KIF26B: variants seen among roughly 807,000 people sequenced by gnomAD.
The protein encoded by KIF26B is kinesin-like protein KIF26B.
A neutral mutation model predicts 151.2 loss-of-function variants in KIF26B; 63 were observed. That is an observed-to-expected ratio of 0.42 (90% CI 0.34 to 0.51). The LOEUF is 0.51. Ranked by LOEUF, KIF26B falls within the 20% of genes least tolerant of loss-of-function variation. The pLI is 0.07. For missense variants in KIF26B, 2,813 were observed against 2,913.6 expected (o/e 0.97, Z 0.79); for synonymous variants, 1,357 against 1,262.1 (o/e 1.08, Z -1.59).
intron 2 of KIF26B, among the ~76,000 whole-genome samples, chr1:245,257,321 A>G (rs2175241): frequency 0.6 from 90,620 of 152,098 alleles, 28,638 homozygotes; most frequent in African/African-American, 0.81. Context: ...TTGGGCACGC[A>G]TTCTCAGGAT....
At chr1:245,420,741 G>A (rs1658465986) in intron 4 of KIF26B, among the ~76,000 whole-genome samples, 1 of 152,236 alleles carries the variant, frequency 6.6e-6, no homozygotes. Context: ...ATAAGATGAT[G>A]AGAAATTATA....
chr1:245,651,165 G>A (rs1252809628), intron 10 of KIF26B, among the ~76,000 whole-genome samples: 3 of 152,204 alleles, frequency 2.0e-5, no homozygotes, highest in Non-Finnish European at 4.4e-5. Context: ...TTCCTCCTAA[G>A]GCCCTAGTGA....
At position 245,433,995 on chromosome 1, in the gene KIF26B, T is replaced by A. The variant is rs538267205; in HGVS notation, c.1166+14250T>A. Among the ~76,000 whole-genome samples the A allele has an allele frequency of 1.1e-3, 169 of 152,150 alleles. 1 individual carries two copies. The highest frequency in any genetic ancestry group is 3.0e-3 in the African/African-American group (124 of 41,522). On this transcript the variant is annotated intron_variant, in intron 4 of 14. Transcript: ENST00000407071. ...AGGCAAGCCACTTTGATTTTTTTTTTAAAAAATGAACAAATATAAACCATT... is the reference window on the plus strand; with the variant it reads ...AGGCAAGCCACTTTGATTTTTTTTTAAAAAAATGAACAAATATAAACCATT...
At chr1:245,546,766 G>A (rs1009079402) in intron 5 of KIF26B, among the ~76,000 whole-genome samples, 1 of 152,170 alleles carries the variant, frequency 6.6e-6, no homozygotes, top group Non-Finnish European at 1.5e-5. Context: ...GGCGGGAACG[G>A]CATAAATAAT....
At chr1:245,163,535 G>T (rs1668565755) in intron 2 of KIF26B, among the ~76,000 whole-genome samples, 1 of 152,070 alleles carries the variant, frequency 6.6e-6, no homozygotes, top group Admixed American at 6.6e-5. Context: ...TTTTCTAGGA[G>T]TTTCCTTGCC....
intron 2 of KIF26B, among the ~76,000 whole-genome samples, chr1:245,242,842 G>A (rs1431380468): frequency 6.6e-6 from 1 of 152,092 alleles, no homozygotes; most frequent in African/African-American, 2.4e-5. Flanking sequence ...AGCAGAGACG[G>A]GGTTTCACCA....
At chr1:245,392,999 C>T (rs144840654) in intron 3 of KIF26B, among the ~76,000 whole-genome samples, 45 of 151,962 alleles carry the variant, frequency 3.0e-4, no homozygotes, top group South Asian at 2.1e-4. Flanking sequence ...AGTGAAACCC[C>T]GCCTCTACTA....
intron 10 of KIF26B, among the ~76,000 whole-genome samples, chr1:245,668,970 G>A (rs552486524): frequency 6.6e-6 from 1 of 152,274 alleles, no homozygotes; most frequent in Non-Finnish European, 1.5e-5. Context: ...GGGATTACAG[G>A]CATGAGCCAC....
intron 4 of KIF26B, among the ~76,000 whole-genome samples, chr1:245,496,147 T>C (rs779238517): frequency 1.3e-5 from 2 of 152,144 alleles, no homozygotes; most frequent in Non-Finnish European, 2.9e-5. Context: ...CAACATGTGG[T>C]TAAGTTCAAA....
At chr1:245,531,465 G>T (rs1230598901) in intron 4 of KIF26B, among the ~76,000 whole-genome samples, 1 of 151,960 alleles carries the variant, frequency 6.6e-6, no homozygotes, top group East Asian at 1.9e-4. Context: ...TTCTCTGCTG[G>T]CCTCCCAGGG....
chr1:245,482,469 C>T (rs1381474591), intron 4 of KIF26B, among the ~76,000 whole-genome samples: 2 of 151,746 alleles, frequency 1.3e-5, no homozygotes, highest in African/African-American at 4.8e-5. Flanking sequence ...TTCAGAAATG[C>T]ATGTTGTTTT....
intron 2 of KIF26B, among the ~76,000 whole-genome samples, chr1:245,348,282 C>T (rs1672496835): frequency 6.6e-6 from 1 of 152,192 alleles, no homozygotes; most frequent in African/African-American, 2.4e-5. Context: ...AGGCCCGTAA[C>T]TTCCAATGCT....
rs796521551 is a variant in KIF26B, at chr1:245,457,847, TACA to T, written c.1166+38105_1166+38107del. 2.6e-5 allele frequency among the ~76,000 whole-genome samples: 4 copies of T among 152,244 alleles called. No individual in the cohort carries two copies. In the South Asian group the frequency reaches 8.3e-4, roughly 32 times the overall value. On this transcript the variant is annotated intron_variant, in intron 4 of 14. Transcript: ENST00000407071. ...AGTATTTTGCTCTTGCAAATGTTGC[TACA>T]ACGAGCATTGTTGATCATGCTCCCT...
At chr1:245,427,780 C>T (rs1170755530) in intron 4 of KIF26B, among the ~76,000 whole-genome samples, 2 of 152,108 alleles carry the variant, frequency 1.3e-5, no homozygotes, top group African/African-American at 4.8e-5. Flanking sequence ...CTGTTCTTTT[C>T]TCCTTGCCCC....
rs570665613 is a variant in KIF26B, at chr1:245,414,078, G to T, written c.1000-5501G>T. ...AGCTCTGTCTTGTGGCTGCCCACCT[G>T]GCCTGGGGGCCAGAGATGGGGCTGG... is the stretch of plus-strand genomic sequence containing the variant. On this transcript the variant is annotated intron_variant, in intron 3 of 14. Coordinates refer to ENST00000407071, the MANE Select transcript of KIF26B (RefSeq NM_018012.4). 3.3e-5 allele frequency among the ~76,000 whole-genome samples: 5 copies of T among 152,374 alleles called. No homozygotes were observed. The East Asian group carries it at 9.7e-4, about 29-fold the overall frequency.
intron 4 of KIF26B, among the ~76,000 whole-genome samples, chr1:245,449,640 G>A (rs565611684): frequency 2.6e-5 from 4 of 152,164 alleles, no homozygotes; most frequent in African/African-American, 7.2e-5. Flanking sequence ...TGGCTAGCCC[G>A]AAGCTCTTTA....
intron 10 of KIF26B, among the ~76,000 whole-genome samples, chr1:245,677,547 C>T (rs184526199): frequency 2.6e-5 from 4 of 152,370 alleles, no homozygotes; most frequent in Non-Finnish European, 5.9e-5. Flanking sequence ...ATCAGGATAG[C>T]TCAGCCCATA....
At chr1:245,409,068 A>G (rs1674209826) in intron 3 of KIF26B, among the ~76,000 whole-genome samples, 1 of 152,318 alleles carries the variant, frequency 6.6e-6, no homozygotes, top group Non-Finnish European at 1.5e-5. Context: ...TTGTTTCATT[A>G]TACACCCTGA....
In KIF26B at chr1:245,560,781, ACT is replaced by A. The variant is rs2042939539; in HGVS notation, c.1350+19835_1350+19836del. ...CTGAAGACTCCCCTCCGCTCCTCGCACTCTCATCACTGCCCCTCACTCTCTGT... is the reference window on the plus strand; with the variant it reads ...CTGAAGACTCCCCTCCGCTCCTCGCACTCATCACTGCCCCTCACTCTCTGT... On this transcript the variant is annotated intron_variant, in intron 5 of 14. Coordinates refer to ENST00000407071, the MANE Select transcript of KIF26B (RefSeq NM_018012.4). The surrounding 1 kb of genome is among the most constrained non-coding windows in gnomAD (Gnocchi z 4.3). Among the ~76,000 whole-genome samples the A allele has an allele frequency of 6.6e-6, 1 of 152,038 alleles. No homozygotes were observed. The highest frequency in any genetic ancestry group is 6.5e-5 in the Admixed American group (1 of 15,268).
Sources: allele counts gnomAD v4.1 joint callset (sites outside exome capture counted in the v4.1 genomes callset), GRCh38; gene constraint gnomAD v4.1.1; non-coding constraint Gnocchi (gnomAD v3.1); transcripts MANE v1.5; gene names NCBI Gene and HGNC (gene_info 2026-07-23, HGNC 2026-07-21).